OSBPL8: variants seen among roughly 807,000 people sequenced by gnomAD.
The protein encoded by OSBPL8 is oxysterol binding protein like 8, also known as oxysterol-binding protein-related protein 8.
Under a neutral mutation model 125.5 loss-of-function variants are expected in OSBPL8, and 59 were observed. That is an observed-to-expected ratio of 0.47 (90% CI 0.38 to 0.58). The LOEUF (loss-of-function observed/expected upper bound fraction) is 0.58. Among genes scored for constraint, OSBPL8 ranks in the 20% least tolerant of loss-of-function variants. The probability of loss-of-function intolerance (pLI) is 0.00; values close to 1 mark genes in which losing one functional copy is unlikely to be tolerated. For missense variants in OSBPL8, 758 were observed against 1,047.8 expected, an observed-to-expected ratio of 0.72 and a Z score of 3.82; for synonymous variants, 330 against 338.9, an observed-to-expected ratio of 0.97 and a Z score of 0.29.
rs941584961 is a variant in OSBPL8 at position 76,481,611 on chromosome 12, C to T, written c.42+5899G>A. 1.1e-4 allele frequency among the ~76,000 whole-genome samples: 16 copies of T among 152,008 alleles called. 1 individual carries two copies. The highest frequency in any genetic ancestry group is 3.4e-3 in the Middle Eastern group (1 of 292). The stretch of plus-strand genomic sequence containing the variant: ...CACGACTACAGTCCAGCCTGGGCAA[C>T]GGAGCAAGACCCTGTCTCTGCCAAA... On this transcript the variant is annotated intron_variant, in intron 2 of 23. Coordinates refer to ENST00000261183, the MANE Select transcript of OSBPL8 (RefSeq NM_020841.5).
Position 76,369,491 on chromosome 12 carries a change from A to T in OSBPL8, c.2240+146T>A, listed in dbSNP as rs1306645504. The stretch of plus-strand genomic sequence containing the variant: ...CTTCTATCATAGAGTCAAGCTTATA[A>T]TGAATGCAAAACCAAGTTTAAAAAT... On this transcript the variant is annotated intron_variant, in intron 20 of 23. Transcript: ENST00000261183. The T allele has an allele frequency of 1.6e-5, 22 of 1,345,368 alleles. No individual in the cohort carries two copies. In the East Asian group the frequency reaches 4.0e-4, roughly 25 times the overall value. 83.3% of individuals were successfully genotyped at this position (1,345,368 alleles called of 1,614,324 possible).
chr12:76,369,949 T>TAC, intron 19 of OSBPL8, 127 bp from the exon 20 acceptor site: 2 of 874,814 alleles, frequency 2.3e-6, no homozygotes, highest in Non-Finnish European at 3.4e-6. Context: ...TGACAACACT[T>TAC]ATGCTCATAG....
intron 8 of OSBPL8, among the ~76,000 whole-genome samples, chr12:76,396,659 T>A (rs964683372): frequency 6.6e-6 from 1 of 151,884 alleles, no homozygotes; most frequent in Non-Finnish European, 1.5e-5. Flanking sequence ...GGGGCTGCGG[T>A]GGGAGAACTG....
intron 7 of OSBPL8, among the ~76,000 whole-genome samples, chr12:76,398,890 C>T (rs1008975383): frequency 6.6e-6 from 1 of 152,074 alleles, no homozygotes; most frequent in Non-Finnish European, 1.5e-5. Context: ...CCTGAAATAA[C>T]ATTTTGGATC....
chr12:76,411,078 G>A (rs957659793), intron 4 of OSBPL8, among the ~76,000 whole-genome samples: 2 of 152,156 alleles, frequency 1.3e-5, no homozygotes, highest in Non-Finnish European at 2.9e-5. Context: ...TGCATATGGT[G>A]AGAATTAGAT....
chr12:76,363,380 G>C (rs1407958814), intron 21 of OSBPL8, among the ~76,000 whole-genome samples: 1 of 152,164 alleles, frequency 6.6e-6, no homozygotes, highest in Non-Finnish European at 1.5e-5. Context: ...TCTGATCTTG[G>C]ACAAACCTGA....
At position 76,369,819 on chromosome 12, in the gene OSBPL8, G is replaced by C; in HGVS notation, c.2058C>G (p.Leu686=). The C allele has an allele frequency of 6.2e-7, 1 of 1,612,284 alleles. No homozygotes were observed. Among genetic ancestry groups the C allele is most frequent in the African/African-American group, 1.3e-5 (1 of 74,930 alleles). ...TTATGGCTCGAGTTACCCGTTGCCA[G>C]AGTCTAATACATGTGCGAAAATATT... is the stretch of plus-strand genomic sequence containing the variant. ...EEQGDFESEK[L]WQRVTRAINA... The change falls in exon 20 of 24, where the codon CTC becomes CTG. Residue 686 remains leucine, a synonymous_variant. Transcript: ENST00000261183.
rs563254216 is a variant in OSBPL8 at position 76,438,464 on chromosome 12, C to T, written c.217+12387G>A. 6.6e-5 allele frequency among the ~76,000 whole-genome samples: 10 copies of T among 152,132 alleles called. No individual in the cohort carries two copies. In the South Asian group the frequency reaches 2.1e-3, roughly 32 times the overall value. The stretch of plus-strand genomic sequence containing the variant: ...GACTACAGGTGTGTGCCACCATGCC[C>T]GGCTAACTTCTTAATAATTTTAATG... On this transcript the variant is annotated intron_variant, in intron 4 of 23. Coordinates refer to ENST00000261183, the MANE Select transcript of OSBPL8 (RefSeq NM_020841.5).
intron 9 of OSBPL8, among the ~76,000 whole-genome samples, chr12:76,394,363 T>C (rs753866217): frequency 7.2e-5 from 11 of 152,072 alleles, no homozygotes; most frequent in Non-Finnish European, 1.5e-4. Context: ...AAGAGTACCA[T>C]AAAGACCACT....
intron 1 of OSBPL8, among the ~76,000 whole-genome samples, chr12:76,546,741 T>C (rs1950793492): frequency 6.6e-6 from 1 of 152,188 alleles, no homozygotes; most frequent in Admixed American, 6.5e-5. Context: ...ATGAGGTATA[T>C]AACCACTTGA....
intron 2 of OSBPL8, among the ~76,000 whole-genome samples, chr12:76,463,949 G>A (rs1875062295): frequency 6.6e-6 from 1 of 152,180 alleles, no homozygotes; most frequent in Non-Finnish European, 1.5e-5. Flanking sequence ...GTACCATGTT[G>A]TATAACACAT....
At chr12:76,425,254 C>G (rs1201444518) in intron 4 of OSBPL8, among the ~76,000 whole-genome samples, 1 of 152,078 alleles carries the variant, frequency 6.6e-6, no homozygotes. Context: ...TTTCTATGTA[C>G]CATTTAAAAT....
At chr12:76,413,492 C>T (rs1172727921) in intron 4 of OSBPL8, among the ~76,000 whole-genome samples, 1 of 152,162 alleles carries the variant, frequency 6.6e-6, no homozygotes, top group Non-Finnish European at 1.5e-5. Context: ...TGGTAGACAC[C>T]TCTAAGTTTC....
At chr12:76,519,268 C>T (rs1592839846) in intron 1 of OSBPL8, among the ~76,000 whole-genome samples, 1 of 152,188 alleles carries the variant, frequency 6.6e-6, no homozygotes, top group East Asian at 1.9e-4. Context: ...CACAATGCAG[C>T]CAGGCTCTTT....
Position 76,392,707 on chromosome 12 carries a change from CTA to C in OSBPL8, c.801_802del (p.Leu269SerfsTer2). The C allele has an allele frequency of 6.2e-7, 1 of 1,613,828 alleles. No homozygotes were observed. Among genetic ancestry groups the C allele is most frequent in the Non-Finnish European group, 8.5e-7 (1 of 1,179,776 alleles). On this transcript the variant is annotated frameshift_variant, in exon 10 of 24. Transcript: ENST00000261183. LOFTEE classifies it high-confidence loss of function. ...TCTGATCATTGTACGTTTAAGAAGA[CTA>C]GAACATTTCAAAGCCAACTCCAAAG...
intron 4 of OSBPL8, among the ~76,000 whole-genome samples, chr12:76,417,350 C>T (rs1197778314): frequency 6.6e-6 from 1 of 152,142 alleles, no homozygotes; most frequent in Non-Finnish European, 1.5e-5. Flanking sequence ...TGTAGTTTCA[C>T]TATGATGTGT....
At chr12:76,502,389 C>G (rs982532552) in intron 1 of OSBPL8, among the ~76,000 whole-genome samples, 5 of 152,160 alleles carry the variant, frequency 3.3e-5, no homozygotes, top group African/African-American at 1.2e-4. Context: ...CCACTGAACT[C>G]GAAGTTAAGA....
intron 21 of OSBPL8, among the ~76,000 whole-genome samples, chr12:76,368,886 C>A (rs77262896): frequency 6.6e-6 from 1 of 152,070 alleles, no homozygotes; most frequent in African/African-American, 2.4e-5. Context: ...ACACTGGCAA[C>A]GCAGGGGCTC....
At chr12:76,393,510 A>C (rs1953652547) in intron 9 of OSBPL8, among the ~76,000 whole-genome samples, 1 of 151,144 alleles carries the variant, frequency 6.6e-6, no homozygotes, top group Non-Finnish European at 1.5e-5. Context: ...GGAGATCGAG[A>C]CCATCCTGGC....
Sources: allele counts gnomAD v4.1 joint callset (sites outside exome capture counted in the v4.1 genomes callset), GRCh38; gene constraint gnomAD v4.1.1; transcripts MANE v1.5; gene names NCBI Gene and HGNC (gene_info 2026-07-23, HGNC 2026-07-21).